OPCML: variants seen among roughly 807,000 people sequenced by gnomAD.
OPCML encodes the protein opioid binding protein/cell adhesion molecule like.
A neutral mutation model predicts 37.8 loss-of-function variants in OPCML; 13 were observed. That is an observed-to-expected ratio of 0.34 (90% CI 0.22 to 0.55). OPCML has a LOEUF of 0.55. OPCML is among the 20% of genes least tolerant of loss of function. OPCML has a pLI of 0.91. For missense variants in OPCML, 341 were observed against 435.6 expected (o/e 0.78, Z 1.93); for synonymous variants, 176 against 168.8 (o/e 1.04, Z -0.33).
chr11:132,753,562 A>T (rs1448389341), intron 2 of OPCML, among the ~76,000 whole-genome samples: 1 of 150,490 alleles, frequency 6.6e-6, no homozygotes, highest in East Asian at 1.9e-4. Flanking sequence ...ATTATTGCAC[A>T]TATATAGATA....
At chr11:132,437,147 C>T (rs930646445) in intron 5 of OPCML, 75 bp downstream of exon 5, 2 of 1,552,074 alleles carry the variant, frequency 1.3e-6, no homozygotes, top group Non-Finnish European at 1.7e-6. Flanking sequence ...GAAAATGGCA[C>T]TGCCATTACC....
At chr11:133,227,001 A>G (rs1940066390) in intron 1 of OPCML, among the ~76,000 whole-genome samples, 1 of 152,166 alleles carries the variant, frequency 6.6e-6, no homozygotes, top group Non-Finnish European at 1.5e-5. Flanking sequence ...CAGTTAAATT[A>G]TTGCATCTGA....
intron 2 of OPCML, among the ~76,000 whole-genome samples, chr11:132,659,929 T>C (rs1437544296): frequency 2.0e-5 from 3 of 152,210 alleles, no homozygotes; most frequent in Non-Finnish European, 4.4e-5. Flanking sequence ...TCACCTACCA[T>C]ATTTATTTGC....
chr11:133,018,008 C>T (rs982730826), intron 1 of OPCML, among the ~76,000 whole-genome samples: 2 of 152,332 alleles, frequency 1.3e-5, no homozygotes, highest in Non-Finnish European at 2.9e-5. Flanking sequence ...AGCATGGGAT[C>T]AGCCCTTGAT....
chr11:132,878,821 A>G (rs1001593536), intron 2 of OPCML, among the ~76,000 whole-genome samples: 1 of 152,210 alleles, frequency 6.6e-6, no homozygotes, highest in African/African-American at 2.4e-5. Context: ...CACAACTTTT[A>G]GATCTGGGAT....
intron 1 of OPCML, among the ~76,000 whole-genome samples, chr11:133,527,242 C>A (rs1431031977): frequency 6.6e-6 from 1 of 152,204 alleles, no homozygotes; most frequent in Non-Finnish European, 1.5e-5. Context: ...ACCAAATATA[C>A]CACAAAGCAA....
chr11:133,046,335 T>C (rs1227361669), intron 1 of OPCML, among the ~76,000 whole-genome samples: 2 of 152,146 alleles, frequency 1.3e-5, no homozygotes, highest in African/African-American at 4.8e-5. Flanking sequence ...TATTTGACAG[T>C]GTGAAAATGA....
At chr11:133,384,007 C>T (rs1944986563) in intron 1 of OPCML, among the ~76,000 whole-genome samples, 1 of 152,104 alleles carries the variant, frequency 6.6e-6, no homozygotes, top group South Asian at 2.1e-4. Context: ...AGGAGAGTGT[C>T]ACTTCCATCC....
chr11:133,070,043 A>G (rs1948499315), intron 1 of OPCML, among the ~76,000 whole-genome samples: 1 of 152,168 alleles, frequency 6.6e-6, no homozygotes, highest in Non-Finnish European at 1.5e-5. Flanking sequence ...ACAATAAATA[A>G]AGCTTCAATA....
chr11:132,589,540 TA>T (rs1565689881), intron 3 of OPCML, among the ~76,000 whole-genome samples: 1 of 152,204 alleles, frequency 6.6e-6, no homozygotes. Flanking sequence ...AACATGTTGC[TA>T]TTCGAGACAC....
At chr11:132,711,485 C>A (rs900124165) in intron 2 of OPCML, among the ~76,000 whole-genome samples, 1 of 152,200 alleles carries the variant, frequency 6.6e-6, no homozygotes, top group Non-Finnish European at 1.5e-5. Context: ...TTTTGATTCT[C>A]ACACTTGCCC....
At chr11:132,973,570 G>A (rs1946390645) in intron 1 of OPCML, among the ~76,000 whole-genome samples, 1 of 152,162 alleles carries the variant, frequency 6.6e-6, no homozygotes, top group Admixed American at 6.5e-5. Context: ...TTCCAAGCCT[G>A]GGTGAACTCA....
At chr11:132,576,698 G>T (rs1421359996) in intron 3 of OPCML, among the ~76,000 whole-genome samples, 1 of 151,994 alleles carries the variant, frequency 6.6e-6, no homozygotes, top group Admixed American at 6.6e-5. Flanking sequence ...CTTTATGTTG[G>T]TGTCTGCATA....
chr11:133,085,838 T>C (rs1356192472), intron 1 of OPCML, among the ~76,000 whole-genome samples: 2 of 152,212 alleles, frequency 1.3e-5, no homozygotes, highest in South Asian at 4.1e-4. Flanking sequence ...GAGAATGAAT[T>C]ATAAAAGTAG....
rs564657466 is a variant in OPCML at position 133,424,024 on chromosome 11, T to A, written c.61+108240A>T. 5.3e-5 allele frequency among the ~76,000 whole-genome samples: 8 copies of A among 152,332 alleles called. No homozygotes were observed. The South Asian group carries it at 1.7e-3, about 32-fold the overall frequency. ...TAACCATGAGCTAATTAAACCTCTG[T>A]TATTTATAAATTACCCAGGGTCAGA... On this transcript the variant is annotated intron_variant, in intron 1 of 7. Coordinates refer to ENST00000524381, the MANE Select transcript of OPCML (RefSeq NM_001012393.5).
At chr11:132,617,425 G>A (rs1000996126) in intron 3 of OPCML, among the ~76,000 whole-genome samples, 1 of 152,162 alleles carries the variant, frequency 6.6e-6, no homozygotes, top group East Asian at 1.9e-4. Context: ...GGGACACTTC[G>A]AAGTCAACAT....
chr11:133,224,040 G>A (rs1939940254), intron 1 of OPCML, among the ~76,000 whole-genome samples: 1 of 152,186 alleles, frequency 6.6e-6, no homozygotes, highest in African/African-American at 2.4e-5. Flanking sequence ...AGAGGAAGGG[G>A]AGGGTGATGG....
intron 1 of OPCML, among the ~76,000 whole-genome samples, chr11:133,201,755 A>G (rs76954124): frequency 0.024 from 3,580 of 152,310 alleles, 84 homozygotes; most frequent in African/African-American, 0.066. Flanking sequence ...CTGTGTCTCC[A>G]GCTCAGAAAA....
intron 1 of OPCML, among the ~76,000 whole-genome samples, chr11:133,519,444 G>A (rs1341983478): frequency 6.6e-6 from 1 of 152,152 alleles, no homozygotes. Flanking sequence ...AAGGACGAGG[G>A]AAACTTTACT....
Sources: allele counts gnomAD v4.1 joint callset (sites outside exome capture counted in the v4.1 genomes callset), GRCh38; gene constraint gnomAD v4.1.1; transcripts MANE v1.5; gene names NCBI Gene and HGNC (gene_info 2026-07-23, HGNC 2026-07-21).